RNF125: variants seen among roughly 807,000 people sequenced by gnomAD.
RNF125 encodes the protein E3 ubiquitin-protein ligase RNF125.
A neutral mutation model predicts 26.0 loss-of-function variants in RNF125; 21 were observed. The observed-to-expected ratio is 0.81, with a 90% confidence interval of 0.57 to 1.16. The LOEUF (loss-of-function observed/expected upper bound fraction) is 1.16. Among genes scored for constraint, RNF125 ranks in the 50% most tolerant of loss-of-function variants. The probability of loss-of-function intolerance (pLI) is 0.00; values close to 1 mark genes in which losing one functional copy is unlikely to be tolerated. For missense variants in RNF125, 270 were observed against 299.4 expected, an observed-to-expected ratio of 0.90 and a Z score of 0.72; for synonymous variants, 95 against 109.2, an observed-to-expected ratio of 0.87 and a Z score of 0.81.
At chr18:32,090,076 T>A in the RNF125 span, among the ~76,000 whole-genome samples, 1 of 152,170 alleles carries the variant, frequency 6.6e-6, no homozygotes, top group Non-Finnish European at 1.5e-5. Flanking sequence ...CAAAACCCTG[T>A]CTCTACTAAA....
chr18:32,079,854 C>T, the RNF125 span, among the ~76,000 whole-genome samples: 16 of 152,116 alleles, frequency 1.1e-4, no homozygotes, highest in Non-Finnish European at 2.1e-4. Flanking sequence ...AGCTATAGTG[C>T]TAATTCTGAA....
chr18:32,082,257 G>A, the RNF125 span, among the ~76,000 whole-genome samples: 2 of 151,976 alleles, frequency 1.3e-5, no homozygotes, highest in African/African-American at 4.8e-5. Flanking sequence ...CTTCTCTCCT[G>A]GCAAATCAAA....
intron 2 of RNF125, 55 bp downstream of exon 2, chr18:32,037,324 G>A: frequency 1.1e-6 from 1 of 934,110 alleles, no homozygotes; most frequent in Non-Finnish European, 1.5e-6. Flanking sequence ...CCCTGCGAAA[G>A]TTATCATTTC....
At chr18:32,080,754 T>C in the RNF125 span, among the ~76,000 whole-genome samples, 2 of 152,226 alleles carry the variant, frequency 1.3e-5, no homozygotes, top group African/African-American at 4.8e-5. Flanking sequence ...CTGGGCGTGA[T>C]GGCGGACGCC....
intron 1 of RNF125, among the ~76,000 whole-genome samples, chr18:32,025,919 T>C (rs2039029852): frequency 6.6e-6 from 1 of 151,750 alleles, no homozygotes; most frequent in Non-Finnish European, 1.5e-5. Flanking sequence ...GCCAATACAG[T>C]TTTAGTTAGT....
chr18:32,068,866 G>A lies in RNF125; in HGVS notation c.*482G>A, dbSNP rs940798533. On this transcript the variant is annotated 3_prime_UTR_variant, in exon 6 of 6. Coordinates refer to ENST00000217740, the MANE Select transcript of RNF125 (RefSeq NM_017831.4). ...CTAATAGGTTAACGTTAATAATCTTGTATGGGAGTTGGAAAGGAAAATTTT... is the reference window on the plus strand; with the variant it reads ...CTAATAGGTTAACGTTAATAATCTTATATGGGAGTTGGAAAGGAAAATTTT... The A allele has an allele frequency of 6.6e-6, 1 of 152,454 alleles. No homozygotes were observed. Among genetic ancestry groups the A allele is most frequent in the African/African-American group, 2.4e-5 (1 of 41,426 alleles). 9.4% of individuals were successfully genotyped at this position (152,454 alleles called of 1,614,324 possible).
chr18:32,075,712 A>AG (rs2039565832), downstream of RNF125, among the ~76,000 whole-genome samples: 1 of 150,424 alleles, frequency 6.6e-6, no homozygotes, highest in Non-Finnish European at 1.5e-5. Flanking sequence ...AAAAAAAAAA[A>AG]GGTCCATTCC....
chr18:32,045,592 A>G (rs2039261825), intron 3 of RNF125, 50 bp from the exon 4 acceptor site: 3 of 1,258,992 alleles, frequency 2.4e-6, no homozygotes, highest in South Asian at 1.3e-5. Flanking sequence ...AGTGACTACT[A>G]TCTAGTTGCC....
chr18:32,027,268 C>G (rs1437345551), intron 1 of RNF125, among the ~76,000 whole-genome samples: 1 of 147,566 alleles, frequency 6.8e-6, no homozygotes, highest in South Asian at 2.2e-4. Flanking sequence ...CATAAGGAAT[C>G]TAAAGCATGC....
intron 4 of RNF125, among the ~76,000 whole-genome samples, chr18:32,056,756 G>A (rs1293937308): frequency 6.6e-6 from 1 of 152,006 alleles, no homozygotes; most frequent in African/African-American, 2.4e-5. Flanking sequence ...AATTCTCATG[G>A]ATTACAGTAG....
chr18:32,090,286 G>A, the RNF125 span, among the ~76,000 whole-genome samples: 2 of 152,106 alleles, frequency 1.3e-5, no homozygotes, highest in African/African-American at 4.8e-5. Context: ...TCTCTGGGCT[G>A]TTAAAAATTT....
chr18:32,073,940 C>T (rs952002821), downstream of RNF125, among the ~76,000 whole-genome samples: 102 of 152,174 alleles, frequency 6.7e-4, 2 homozygotes, highest in Admixed American at 6.6e-3. Context: ...ACTAGAAAAT[C>T]GTGTGGTATT....
At chr18:32,025,390 G>A (rs780546957) in intron 1 of RNF125, among the ~76,000 whole-genome samples, 1 of 150,242 alleles carries the variant, frequency 6.7e-6, no homozygotes, top group African/African-American at 2.4e-5. Context: ...ATGGCCAGGC[G>A]TGGTGGCTCA....
chr18:32,032,474 T>C (rs540848847), intron 1 of RNF125, among the ~76,000 whole-genome samples: 1 of 152,080 alleles, frequency 6.6e-6, no homozygotes, highest in South Asian at 2.1e-4. Flanking sequence ...CCCAAAGTGC[T>C]GGGATTACAG....
At chr18:32,061,160 G>T (rs2039430999) in intron 4 of RNF125, among the ~76,000 whole-genome samples, 3 of 152,094 alleles carry the variant, frequency 2.0e-5, no homozygotes, top group Non-Finnish European at 4.4e-5. Context: ...AAGTAGCTGG[G>T]ACTACAGGCA....
At chr18:32,087,179 A>G in the RNF125 span, among the ~76,000 whole-genome samples, 1 of 151,712 alleles carries the variant, frequency 6.6e-6, no homozygotes, top group Non-Finnish European at 1.5e-5. Flanking sequence ...TATACCAGTA[A>G]TCGTGTTTCT....
At chr18:32,024,858 A>G (rs987185910) in intron 1 of RNF125, among the ~76,000 whole-genome samples, 20 of 152,166 alleles carry the variant, frequency 1.3e-4, no homozygotes, top group East Asian at 1.2e-3. Flanking sequence ...AGGCAGGCGG[A>G]TCACTTGAGC....
At chr18:32,065,394 C>T (rs1383419026) in intron 4 of RNF125, among the ~76,000 whole-genome samples, 1 of 152,062 alleles carries the variant, frequency 6.6e-6, no homozygotes, top group African/African-American at 2.4e-5. Flanking sequence ...TCTGCCACTG[C>T]GCCCAGCTAA....
At chr18:32,038,852 A>G (rs2039187482) in intron 2 of RNF125, among the ~76,000 whole-genome samples, 1 of 151,686 alleles carries the variant, frequency 6.6e-6, no homozygotes, top group Non-Finnish European at 1.5e-5. Context: ...TGCAGCCTCC[A>G]CCTTCTGGGT....
Sources: gnomAD v4.1 joint callset for allele counts (sites outside exome capture counted in the v4.1 genomes callset) on GRCh38, gnomAD v4.1.1 for gene constraint, MANE v1.5 for transcripts, NCBI Gene and HGNC (gene_info 2026-07-23, HGNC 2026-07-21) for gene names.